Variants in RALY observed in about 807,000 individuals in gnomAD.
RALY encodes the protein RNA-binding protein Raly.
RALY carries 15 observed loss-of-function variants against 30.7 expected under a neutral mutation model. The observed-to-expected ratio is 0.49, with a 90% CI of 0.33 to 0.75. The LOEUF is 0.75. RALY is among the 30% of genes least tolerant of loss of function. The pLI is 0.02. For missense variants in RALY, 339 were observed against 414.3 expected, an observed-to-expected ratio of 0.82 and a Z score of 1.58; for synonymous variants, 177 against 170.8, an observed-to-expected ratio of 1.04 and a Z score of -0.28.
chr20:33,999,036 A>G (rs1186588482), intron 1 of RALY, among the ~76,000 whole-genome samples: 1 of 150,868 alleles, frequency 6.6e-6, no homozygotes, highest in Non-Finnish European at 1.5e-5. Flanking sequence ...AGGCTAAGGC[A>G]GGAGAATCAC....
intron 1 of RALY, among the ~76,000 whole-genome samples, chr20:34,012,101 A>G (rs1036586824): frequency 6.6e-6 from 1 of 151,124 alleles, no homozygotes; most frequent in Non-Finnish European, 1.5e-5. Context: ...AGAAGCAGCT[A>G]TGGGTCCTGG....
At chr20:34,006,511 C>A (rs771473914) in intron 1 of RALY, among the ~76,000 whole-genome samples, 3 of 152,216 alleles carry the variant, frequency 2.0e-5, no homozygotes, top group Non-Finnish European at 4.4e-5. Flanking sequence ...ACACATGGTT[C>A]TTAAGTCTTC....
At chr20:34,026,573 T>G (rs2032048712) in intron 1 of RALY, among the ~76,000 whole-genome samples, 1 of 149,212 alleles carries the variant, frequency 6.7e-6, no homozygotes, top group South Asian at 2.1e-4. Flanking sequence ...CCAGCTAATT[T>G]TTTTTTTTTT....
chr20:34,045,987 A>C (rs1365905545), intron 2 of RALY, among the ~76,000 whole-genome samples: 1 of 152,192 alleles, frequency 6.6e-6, no homozygotes, highest in Non-Finnish European at 1.5e-5. Context: ...GTTGTGACCC[A>C]TGTAATTGAC....
Position 34,083,487 on chromosome 20 carries a change from T to C in RALY, c.*3582T>C, listed in dbSNP as rs1305526160. 1 of 152,236 alleles carries C rather than the reference T, an allele frequency of 6.6e-6. No individual in the cohort carries two copies. Among genetic ancestry groups the C allele is most frequent in the African/African-American group, 2.4e-5 (1 of 41,454 alleles). 9.4% of individuals were successfully genotyped at this position (152,236 alleles called of 1,614,324 possible). On this transcript the variant is annotated 3_prime_UTR_variant, in exon 10 of 10. Coordinates refer to ENST00000246194, the MANE Select transcript of RALY (RefSeq NM_016732.3). ...TTTTGGCCAAAGTAAGTCACATGGCTAAGCCCAAATTCTTCTTAACAGGAG... is the reference window on the plus strand; with the variant it reads ...TTTTGGCCAAAGTAAGTCACATGGCCAAGCCCAAATTCTTCTTAACAGGAG...
At chr20:33,996,185 G>A (rs551972712) in intron 1 of RALY, among the ~76,000 whole-genome samples, 1 of 152,330 alleles carries the variant, frequency 6.6e-6, no homozygotes, top group East Asian at 1.9e-4. Context: ...ACACAGCATA[G>A]CACTTGCCTT....
At chr20:34,056,123 G>C (rs182102335) in intron 2 of RALY, among the ~76,000 whole-genome samples, 1 of 152,226 alleles carries the variant, frequency 6.6e-6, no homozygotes, top group East Asian at 1.9e-4. Context: ...ATCTGATCTC[G>C]GCTAGGCACT....
intron 1 of RALY, among the ~76,000 whole-genome samples, chr20:34,001,228 A>G (rs1455852303): frequency 2.0e-5 from 3 of 152,262 alleles, no homozygotes; most frequent in Non-Finnish European, 2.9e-5. Flanking sequence ...ACATTAAAAT[A>G]TGTAGCAAAC....
At chr20:34,035,345 A>G (rs1022789904) in intron 2 of RALY, among the ~76,000 whole-genome samples, 7 of 152,082 alleles carry the variant, frequency 4.6e-5, no homozygotes, top group Non-Finnish European at 7.4e-5. Context: ...TATCTACTAT[A>G]TATTATCAGG....
intron 1 of RALY, among the ~76,000 whole-genome samples, chr20:34,026,304 T>C (rs561391059): frequency 6.6e-6 from 1 of 152,204 alleles, no homozygotes; most frequent in Non-Finnish European, 1.5e-5. Flanking sequence ...GCTGCTTCTC[T>C]TTTAAATAAA....
chr20:34,020,813 A>G (rs1348104064), intron 1 of RALY, among the ~76,000 whole-genome samples: 1 of 152,352 alleles, frequency 6.6e-6, no homozygotes, highest in African/African-American at 2.4e-5. Flanking sequence ...GTTCTGTAAG[A>G]GAAGATAAAT....
intron 2 of RALY, among the ~76,000 whole-genome samples, chr20:34,054,815 C>CAAA (rs771028871): frequency 9.0e-6 from 1 of 110,794 alleles, no homozygotes; most frequent in Non-Finnish European, 2.0e-5. Flanking sequence ...GAGACTGTCT[C>CAAA]AAAAAAAAAA....
At chr20:34,062,049 C>G (rs1346103368) in intron 2 of RALY, among the ~76,000 whole-genome samples, 1 of 152,112 alleles carries the variant, frequency 6.6e-6, no homozygotes, top group Non-Finnish European at 1.5e-5. Flanking sequence ...TTTTTATTCC[C>G]TAGATCATGC....
chr20:34,030,904 T>A (rs2032243216), intron 1 of RALY, among the ~76,000 whole-genome samples: 1 of 152,186 alleles, frequency 6.6e-6, no homozygotes, highest in African/African-American at 2.4e-5. Context: ...CAAATCTCTC[T>A]GGATGTGACC....
At chr20:33,996,549 A>T (rs1048476978) in intron 1 of RALY, among the ~76,000 whole-genome samples, 3 of 152,158 alleles carry the variant, frequency 2.0e-5, no homozygotes, top group African/African-American at 7.2e-5. Context: ...CCTCAGGGTC[A>T]TGTAACTGGT....
intron 1 of RALY, chr20:34,016,521 G>C (rs1029798068): frequency 1.3e-5 from 2 of 152,226 alleles, no homozygotes; most frequent in African/African-American, 4.8e-5. Context: ...GTCAGGCATA[G>C]AAACTGATGT....
At chr20:34,045,003 G>C (rs577669933) in intron 2 of RALY, among the ~76,000 whole-genome samples, 3 of 151,892 alleles carry the variant, frequency 2.0e-5, no homozygotes, top group African/African-American at 7.2e-5. Flanking sequence ...GCCTTGACCT[G>C]AGCTTAAGCA....
intron 2 of RALY, among the ~76,000 whole-genome samples, chr20:34,061,235 C>T (rs1009512306): frequency 6.6e-6 from 1 of 152,082 alleles, no homozygotes; most frequent in Non-Finnish European, 1.5e-5. Context: ...TGTAGCATGA[C>T]GTAGAGCAGA....
chr20:34,074,130 C>G (rs548177913), intron 5 of RALY, among the ~76,000 whole-genome samples: 1 of 152,112 alleles, frequency 6.6e-6, no homozygotes, highest in South Asian at 2.1e-4. Context: ...TCAAGGAGAC[C>G]GTACAGCCAA....
Sources: allele counts gnomAD v4.1 joint callset (sites outside exome capture counted in the v4.1 genomes callset), GRCh38; gene constraint gnomAD v4.1.1; transcripts MANE v1.5; gene names NCBI Gene and HGNC (gene_info 2026-07-23, HGNC 2026-07-21).